The following TMEM17 variants were observed in gnomAD, a reference collection of about 807,000 sequenced individuals.
The protein encoded by TMEM17 is transmembrane protein 17.
In TMEM17, 15 loss-of-function variants were observed where a neutral mutation model predicts 19.1. That is an observed-to-expected ratio of 0.78 (90% CI 0.52 to 1.21). The LOEUF is 1.21. Ranked by LOEUF, TMEM17 falls within the 50% of genes most tolerant of loss-of-function variation. The pLI, the probability that TMEM17 is intolerant of heterozygous loss-of-function variation, is 0.00. For missense variants in TMEM17, 245 were observed against 242.3 expected, an observed-to-expected ratio of 1.01 and a Z score of -0.07; for synonymous variants, 103 against 86.9, an observed-to-expected ratio of 1.19 and a Z score of -1.03.
the TMEM17 span, among the ~76,000 whole-genome samples, chr2:62,471,662 G>T: frequency 6.6e-6 from 1 of 152,360 alleles, no homozygotes; most frequent in African/African-American, 2.4e-5. Flanking sequence ...GTGCTGGGGA[G>T]GGGGAGGAGC....
At chr2:62,457,316 G>C in the TMEM17 span, among the ~76,000 whole-genome samples, 3 of 151,952 alleles carry the variant, frequency 2.0e-5, no homozygotes, top group Non-Finnish European at 4.4e-5. The surrounding 1 kb of genome is among the most constrained non-coding windows in gnomAD (Gnocchi z 4.2). Context: ...GACTGCCTTG[G>C]GTGTGGCAGC....
the TMEM17 span, among the ~76,000 whole-genome samples, chr2:62,493,813 A>G: frequency 6.6e-6 from 1 of 152,228 alleles, no homozygotes; most frequent in Non-Finnish European, 1.5e-5. Context: ...CAAACTCTTT[A>G]TAATAATCTA....
chr2:62,454,852 T>C, the TMEM17 span, among the ~76,000 whole-genome samples: 37 of 152,264 alleles, frequency 2.4e-4, no homozygotes, highest in East Asian at 2.5e-3. Flanking sequence ...TACAGGCACC[T>C]GCCACCACGC....
the TMEM17 span, among the ~76,000 whole-genome samples, chr2:62,456,559 G>C: frequency 6.6e-6 from 1 of 152,356 alleles, no homozygotes; most frequent in East Asian, 1.9e-4. Context: ...AGTCACACCA[G>C]CAAAGTCCGT....
downstream of TMEM17, among the ~76,000 whole-genome samples, chr2:62,495,541 A>G (rs1558719523): frequency 1.3e-5 from 2 of 152,228 alleles, no homozygotes; most frequent in Non-Finnish European, 2.9e-5. Context: ...ATATATACCC[A>G]TAACAAGTTA....
chr2:62,481,429 T>C, the TMEM17 span, among the ~76,000 whole-genome samples: 1 of 152,202 alleles, frequency 6.6e-6, no homozygotes, highest in African/African-American at 2.4e-5. Context: ...TTATTTTTTT[T>C]CTCTTGACTA....
chr2:62,468,313 T>C, the TMEM17 span, among the ~76,000 whole-genome samples: 3 of 152,162 alleles, frequency 2.0e-5, no homozygotes, highest in Middle Eastern at 3.4e-3. Flanking sequence ...GGGCAGGGTA[T>C]GCCAGCACAT....
At chr2:62,485,690 A>G in the TMEM17 span, among the ~76,000 whole-genome samples, 1 of 152,204 alleles carries the variant, frequency 6.6e-6, no homozygotes, top group East Asian at 1.9e-4. Context: ...TAGCAGTTTT[A>G]CTGCTCAAAC....
At chr2:62,491,089 A>AAAC in the TMEM17 span, 1 of 151,416 alleles carries the variant, frequency 6.6e-6, no homozygotes, top group Non-Finnish European at 1.5e-5. Flanking sequence ...AAAAAAAAAA[A>AAAC]AAAAAAAAAA....
downstream of TMEM17, among the ~76,000 whole-genome samples, chr2:62,495,844 T>C (rs1679763842): frequency 6.6e-6 from 1 of 152,192 alleles, no homozygotes. Flanking sequence ...TATTTCATGC[T>C]CCATGCTTCT....
chr2:62,460,287 T>C, the TMEM17 span, among the ~76,000 whole-genome samples: 1 of 152,184 alleles, frequency 6.6e-6, no homozygotes, highest in African/African-American at 2.4e-5. Flanking sequence ...GTTGATCAGT[T>C]TTCCCTCCTC....
At chr2:62,461,018 T>C in the TMEM17 span, among the ~76,000 whole-genome samples, 1 of 152,136 alleles carries the variant, frequency 6.6e-6, no homozygotes, top group African/African-American at 2.4e-5. Context: ...AAGATGGGGA[T>C]TTGGAAGGCC....
chr2:62,501,127 C>T lies in TMEM17; in HGVS notation c.*82G>A. The T allele has an allele frequency of 1.4e-6, 2 of 1,474,786 alleles. No homozygotes were observed. The highest frequency in any genetic ancestry group is 1.8e-6 in the Non-Finnish European group (2 of 1,090,506). The allele number at this position is 1,474,786 out of a possible 1,614,324, so 91.4% of individuals were successfully genotyped here. Reference sequence around the variant, plus strand: ...ATACAATTCAAAACACTTGCTTTGTCCCTTTTCTCAGAGCTCTGATATTTT... The same window carrying T: ...ATACAATTCAAAACACTTGCTTTGTTCCTTTTCTCAGAGCTCTGATATTTT... On this transcript the variant is annotated 3_prime_UTR_variant, in exon 4 of 4. Transcript: ENST00000335390.
At chr2:62,505,201 G>A (rs913162520) in intron 1 of TMEM17, among the ~76,000 whole-genome samples, 1 of 152,280 alleles carries the variant, frequency 6.6e-6, no homozygotes, top group Admixed American at 6.5e-5. Flanking sequence ...CAGCAGAGTT[G>A]AATGATGAAA....
the TMEM17 span, among the ~76,000 whole-genome samples, chr2:62,467,105 G>T: frequency 6.6e-6 from 1 of 152,010 alleles, no homozygotes; most frequent in South Asian, 2.1e-4. Context: ...GAAAAACAGG[G>T]AATGGAATGA....
At position 62,506,184 on chromosome 2, in the gene TMEM17, C is replaced by A. The variant is rs1680074820; in HGVS notation, c.-55G>T. The stretch of plus-strand genomic sequence containing the variant: ...AGACACGGGCTAGTCTGCGGGCGCT[C>A]CGAGGCTCCGTGGTTCCCACGGCAA... On this transcript the variant is annotated 5_prime_UTR_variant, in exon 1 of 4. Coordinates refer to ENST00000335390, the MANE Select transcript of TMEM17 (RefSeq NM_198276.3). 1 of 1,482,874 alleles carries A rather than the reference C, an allele frequency of 6.7e-7. No individual in the cohort carries two copies. Among genetic ancestry groups the A allele is most frequent in the East Asian group, 2.7e-5 (1 of 37,254 alleles). The allele number at this position is 1,482,874 out of a possible 1,614,324, so 91.9% of individuals were successfully genotyped here. A position where few individuals can be genotyped will look rare whatever the true frequency, so the allele number is the denominator to read the frequency against.
At chr2:62,476,078 G>A in the TMEM17 span, among the ~76,000 whole-genome samples, 2 of 140,510 alleles carry the variant, frequency 1.4e-5, no homozygotes, top group South Asian at 2.1e-4. Context: ...CACTGGGGGC[G>A]GTCAGCCCAC....
chr2:62,494,127 C>T, the TMEM17 span, among the ~76,000 whole-genome samples: 1 of 152,174 alleles, frequency 6.6e-6, no homozygotes, highest in Non-Finnish European at 1.5e-5. Flanking sequence ...AGGACTTAAT[C>T]TTATTTATCT....
chr2:62,460,104 C>T, the TMEM17 span, among the ~76,000 whole-genome samples: 1 of 152,218 alleles, frequency 6.6e-6, no homozygotes, highest in African/African-American at 2.4e-5. Flanking sequence ...CTGTCTTCTA[C>T]ATCAGCCTGT....
Sources: gnomAD v4.1 joint callset for allele counts (sites outside exome capture counted in the v4.1 genomes callset) on GRCh38, gnomAD v4.1.1 for gene constraint, Gnocchi (gnomAD v3.1) non-coding constraint, MANE v1.5 for transcripts, NCBI Gene and HGNC (gene_info 2026-07-23, HGNC 2026-07-21) for gene names.